Variants in ACTG2 observed in about 807,000 individuals in gnomAD.
ACTG2 encodes the protein actin gamma 2, smooth muscle, also known as actin, gamma-enteric smooth muscle.
A neutral mutation model predicts 37.6 loss-of-function variants in ACTG2; 16 were observed. The observed-to-expected ratio is 0.43, with a 90% confidence interval of 0.29 to 0.65. The LOEUF (loss-of-function observed/expected upper bound fraction) is 0.65. Ranked by LOEUF, ACTG2 falls within the 30% of genes least tolerant of loss-of-function variation. The pLI is 0.18. For synonymous variants in ACTG2, 181 were observed against 179.9 expected (o/e 1.01, Z -0.05); for missense variants, 238 against 490.9 (o/e 0.48, Z 4.87).
At chr2:73,898,323 A>G (rs1223779009) in intron 1 of ACTG2, among the ~76,000 whole-genome samples, 2 of 49,656 alleles carry the variant, frequency 4.0e-5, no homozygotes, top group Non-Finnish European at 1.4e-4. Flanking sequence ...GATTTGGAAC[A>G]TACTGCTGTT....
At chr2:73,910,293 T>A (rs1380099626) in intron 5 of ACTG2, among the ~76,000 whole-genome samples, 7 of 151,224 alleles carry the variant, frequency 4.6e-5, no homozygotes, top group Non-Finnish European at 1.0e-4. Flanking sequence ...TTTTACCTTA[T>A]AAACTTTTTA....
rs1443940091 is a variant in ACTG2 at position 73,916,738 on chromosome 2, C to G, written c.960C>G (p.Ala320=). The G allele has an allele frequency of 6.2e-6, 10 of 1,613,878 alleles. No homozygotes were observed. Among genetic ancestry groups the G allele is most frequent in the Non-Finnish European group, 8.5e-6 (10 of 1,179,966 alleles). The change falls in exon 8 of 9, where the codon GCC becomes GCG. Residue 320 remains alanine, a synonymous_variant. Coordinates refer to ENST00000345517, the MANE Select transcript of ACTG2 (RefSeq NM_001615.4). ...IADRMQKEIT[A]LAPSTMKIKI... is the part of the protein sequence containing the mutation. ...ACAGGATGCAGAAGGAGATCACAGCCCTGGCCCCCAGCACCATGAAGATCA... is the reference window on the plus strand; with the variant it reads ...ACAGGATGCAGAAGGAGATCACAGCGCTGGCCCCCAGCACCATGAAGATCA...
At chr2:73,894,884 G>A (rs1679709273) in intron 1 of ACTG2, among the ~76,000 whole-genome samples, 1 of 152,194 alleles carries the variant, frequency 6.6e-6, no homozygotes, top group African/African-American at 2.4e-5. Flanking sequence ...TAAAGGATCA[G>A]GCTATGGGGA....
chr2:73,897,816 T>C (rs1353548012), intron 1 of ACTG2, among the ~76,000 whole-genome samples: 3 of 152,184 alleles, frequency 2.0e-5, no homozygotes, highest in Non-Finnish European at 4.4e-5. Context: ...ACCTTGTTGC[T>C]GCACCGTTAC....
Position 73,919,487 on chromosome 2 carries a change from CCTCT to C in ACTG2, c.1049_1052del (p.Leu350ProfsTer45), listed in dbSNP as rs762838918. On this transcript the variant is annotated frameshift_variant, in exon 9 of 9. Transcript: ENST00000345517. LOFTEE classifies it high-confidence loss of function. Reference sequence around the variant, plus strand: ...GTCTGGATCGGGGGCTCTATCCTGGCCTCTCTCTCCACCTTCCAGCAGATGTGGA... The same window carrying C: ...GTCTGGATCGGGGGCTCTATCCTGGCCTCTCCACCTTCCAGCAGATGTGGA... 1 of 1,614,092 alleles carries C rather than the reference CCTCT, an allele frequency of 6.2e-7. No individual in the cohort carries two copies. Among genetic ancestry groups the C allele is most frequent in the South Asian group, 1.1e-5 (1 of 91,074 alleles).
chr2:73,899,472 T>C (rs1477881870), intron 1 of ACTG2, among the ~76,000 whole-genome samples: 1 of 151,990 alleles, frequency 6.6e-6, no homozygotes, highest in African/African-American at 2.4e-5. Flanking sequence ...AAAAAATATA[T>C]ATATATATAT....
intron 3 of ACTG2, among the ~76,000 whole-genome samples, chr2:73,904,777 G>GTGTATATA (rs1427483105): frequency 1.9e-3 from 80 of 42,602 alleles, no homozygotes; most frequent in Admixed American, 3.8e-3. Flanking sequence ...GTGTGTGTGT[G>GTGTATATA]TATATATATA....
At chr2:73,900,899 C>T (rs1034209757) in intron 1 of ACTG2, among the ~76,000 whole-genome samples, 11 of 152,176 alleles carry the variant, frequency 7.2e-5, no homozygotes, top group African/African-American at 2.4e-4. Context: ...GTGGCCTACC[C>T]TCTGCATGCA....
chr2:73,902,864 T>G, intron 3 of ACTG2: 1 of 1,193,008 alleles, frequency 8.4e-7, no homozygotes. Flanking sequence ...GGAGGACCTT[T>G]CCCTGCCTGA....
intron 6 of ACTG2, among the ~76,000 whole-genome samples, chr2:73,914,431 C>T (rs147203768): frequency 3.8e-4 from 58 of 151,956 alleles, no homozygotes; most frequent in Admixed American, 6.6e-4. Flanking sequence ...TAGTGGCGCA[C>T]GCCTGTAATT....
chr2:73,915,621 C>T (rs1195099027), intron 7 of ACTG2, among the ~76,000 whole-genome samples: 1 of 151,936 alleles, frequency 6.6e-6, no homozygotes, highest in Non-Finnish European at 1.5e-5. Flanking sequence ...TGATGCCAGG[C>T]TACAGTAGCT....
intron 5 of ACTG2, among the ~76,000 whole-genome samples, chr2:73,910,355 C>T (rs1680102893): frequency 3.1e-5 from 4 of 128,200 alleles, no homozygotes; most frequent in Non-Finnish European, 6.5e-5. Context: ...AGAAAAACAT[C>T]TTTTTTCGAC....
rs759814965 is a variant in ACTG2 at position 73,908,930 on chromosome 2, G to T, written c.367-125G>T. 186 of 1,219,430 alleles carry T rather than the reference G, an allele frequency of 1.5e-4. No homozygotes were observed. In the African/African-American group the frequency reaches 2.3e-3, roughly 15 times the overall value. 75.5% of individuals were successfully genotyped at this position (1,219,430 alleles called of 1,614,324 possible). A position where few individuals can be genotyped will look rare whatever the true frequency, so the allele number is the denominator to read the frequency against. ...TCCATGCCAGGCCCTGGGGGAGTGGGTGTGGAATAATGAACTATCAAACTG... is the reference window on the plus strand; with the variant it reads ...TCCATGCCAGGCCCTGGGGGAGTGGTTGTGGAATAATGAACTATCAAACTG... On this transcript the variant is annotated intron_variant, in intron 4 of 8. Transcript: ENST00000345517.
intron 8 of ACTG2, 95 bp downstream of exon 8, chr2:73,916,860 T>A: frequency 7.1e-7 from 1 of 1,412,376 alleles, no homozygotes; most frequent in South Asian, 1.4e-5. Context: ...CCTGATAACT[T>A]GCTGGTCTCC....
chr2:73,911,088 G>A (rs1311641709), intron 5 of ACTG2, among the ~76,000 whole-genome samples: 1 of 152,132 alleles, frequency 6.6e-6, no homozygotes, highest in Non-Finnish European at 1.5e-5. Flanking sequence ...CATCTCCTAT[G>A]ATAACAATAC....
chr2:73,901,530 AAATGTG>A, intron 2 of ACTG2, 93 bp downstream of exon 2: 2 of 1,189,368 alleles, frequency 1.7e-6, no homozygotes, highest in East Asian at 4.0e-5. Flanking sequence ...TAGGGGAAGG[AAATGTG>A]TGTGTGTGTG....
intron 3 of ACTG2, among the ~76,000 whole-genome samples, chr2:73,903,954 AAAAAAC>A (rs1679948687): frequency 9.4e-6 from 1 of 106,300 alleles, no homozygotes; most frequent in African/African-American, 2.8e-5. Flanking sequence ...AAAAAAAAAA[AAAAAAC>A]AAAAAAAAAA....
At chr2:73,908,814 A>G (rs936217054) in intron 4 of ACTG2, 31 bp downstream of exon 4, 3 of 1,538,150 alleles carry the variant, frequency 2.0e-6, no homozygotes, top group East Asian at 4.5e-5. Flanking sequence ...GAACACTGGC[A>G]TAAGAATGCA....
chr2:73,898,833 T>C lies in ACTG2; in HGVS notation c.-36-2443T>C, dbSNP rs1181733222. Among the ~76,000 whole-genome samples, 4 of 146,070 alleles carry C rather than the reference T, an allele frequency of 2.7e-5. No individual in the cohort carries two copies. In the South Asian group the frequency reaches 6.6e-4, roughly 24 times the overall value. On this transcript the variant is annotated intron_variant, in intron 1 of 8. Transcript: ENST00000345517. ...TTTTTTTTTTTTTGAGATGGAGTCT[T>C]GCTCTGTTGCCCAGGCTGGAGTGCA...
Sources: allele counts gnomAD v4.1 joint callset (sites outside exome capture counted in the v4.1 genomes callset), GRCh38; gene constraint gnomAD v4.1.1; transcripts MANE v1.5; gene names NCBI Gene and HGNC (gene_info 2026-07-23, HGNC 2026-07-21).